The following PCDHGA4 variants were observed in gnomAD, a reference collection of about 807,000 sequenced individuals.
The protein encoded by PCDHGA4 is protocadherin gamma-A4.
PCDHGA4 carries 38 observed loss-of-function variants against 54.6 expected under a neutral mutation model. That is an observed-to-expected ratio of 0.70 (90% CI 0.54 to 0.91). The LOEUF (loss-of-function observed/expected upper bound fraction) is 0.91. Among genes scored for constraint, PCDHGA4 ranks in the 40% least tolerant of loss-of-function variants. PCDHGA4 has a pLI of 0.00. For missense variants in PCDHGA4, 1,298 were observed against 1,220.9 expected, an observed-to-expected ratio of 1.06 and a Z score of -0.94; for synonymous variants, 511 against 512.9, an observed-to-expected ratio of 1.00 and a Z score of 0.05.
At chr5:141,419,781 G>C (rs1331740421) in intron 1 of PCDHGA4, 1 of 1,614,032 alleles carries the variant, frequency 6.2e-7, no homozygotes. Context: ...GTCCGCCAGC[G>C]CCTGCTAGTC....
rs372018713 is a variant in PCDHGA4, at chr5:141,418,097, C to G, written c.2514+60476C>G. ...GAAGCTGCACTTCAGCGTAGACGCG[C>G]AGAGCGGGGACTTACTTGTGAAGGA... On this transcript the variant is annotated intron_variant, in intron 1 of 3. Coordinates refer to ENST00000571252, the MANE Select transcript of PCDHGA4 (RefSeq NM_018917.4). The G allele has an allele frequency of 5.7e-4, 921 of 1,613,980 alleles. 9 individuals are homozygous for G. The South Asian group carries it at 6.8e-3, about 12-fold the overall frequency.
rs1269660369 is a variant in PCDHGA4 at position 141,408,454 on chromosome 5, A to T, written c.2514+50833A>T. On this transcript the variant is annotated intron_variant, in intron 1 of 3. Transcript: ENST00000571252. ...GCGTAGACGCGGAGAGCGGGGACTT[A>T]CTTGTGAAGAACCGAATAGACCGTG... The T allele has an allele frequency of 4.3e-6, 7 of 1,613,934 alleles. No homozygotes were observed. The African/African-American group carries it at 9.3e-5, about 22-fold the overall frequency.
Position 141,476,610 on chromosome 5 carries a change from G to A in PCDHGA4, c.2515-18197G>A, listed in dbSNP as rs769858609. ...GAGAGCGCGCACGATCCCGATGTGGGAAGCAACTCTTTACAAACCTATGAG... is the reference window on the plus strand; with the variant it reads ...GAGAGCGCGCACGATCCCGATGTGGAAAGCAACTCTTTACAAACCTATGAG... On this transcript the variant is annotated intron_variant, in intron 1 of 3. Coordinates refer to ENST00000571252, the MANE Select transcript of PCDHGA4 (RefSeq NM_018917.4). The surrounding 1 kb of genome is among the most constrained non-coding windows in gnomAD (Gnocchi z 7.6). The A allele has an allele frequency of 1.2e-6, 2 of 1,614,262 alleles. No homozygotes were observed. The highest frequency in any genetic ancestry group is 3.3e-5 in the Admixed American group (2 of 60,036).
chr5:141,399,411 C>G lies in PCDHGA4; in HGVS notation c.2514+41790C>G, dbSNP rs375057054. 3.4e-5 allele frequency: 55 copies of G among 1,613,900 alleles called. No individual in the cohort carries two copies. In the African/African-American group the frequency reaches 5.3e-4, roughly 16 times the overall value. On this transcript the variant is annotated intron_variant, in intron 1 of 3. Transcript: ENST00000571252. ...CCACAGACAGGGGCAAGCCGCCCCT[C>G]TCCTCCAGCATAAGCGTCATCCTAC...
intron 1 of PCDHGA4, chr5:141,428,153 CT>C (rs2097116745): frequency 6.3e-7 from 1 of 1,581,370 alleles, no homozygotes; most frequent in Admixed American, 1.7e-5. Flanking sequence ...ACACGGGAAC[CT>C]GCTGGTTGCT....
chr5:141,420,067 A>G (rs2096463342), intron 1 of PCDHGA4: 2 of 1,614,034 alleles, frequency 1.2e-6, no homozygotes, highest in East Asian at 2.2e-5. Flanking sequence ...CCAAGTCCGG[A>G]CCTGTGGGTC....
At chr5:141,365,626 C>T in intron 1 of PCDHGA4, 2 of 1,613,678 alleles carry the variant, frequency 1.2e-6, no homozygotes, top group Non-Finnish European at 8.5e-7. Flanking sequence ...CCCCGCCCCT[C>T]TCTACAGAAA....
rs367919924 is a variant in PCDHGA4, at chr5:141,487,711, T to A, written c.2515-7096T>A. The A allele has an allele frequency of 1.1e-5, 18 of 1,586,144 alleles. No individual in the cohort carries two copies. In the African/African-American group the frequency reaches 2.1e-4, roughly 19 times the overall value. On this transcript the variant is annotated intron_variant, in intron 1 of 3. Transcript: ENST00000571252. The surrounding 1 kb of genome is among the most constrained non-coding windows in gnomAD (Gnocchi z 5.0). ...TAGAGAGTACTGGCCTCTCAGTAAG[T>A]GCCCATAGTGATGTCACCATTTTTG...
intron 1 of PCDHGA4, among the ~76,000 whole-genome samples, chr5:141,369,209 C>T (rs567971438): frequency 1.3e-5 from 2 of 151,888 alleles, no homozygotes; most frequent in South Asian, 2.1e-4. Context: ...AAACTGGGGA[C>T]CAAGGAAAAG....
At chr5:141,408,683 G>C in intron 1 of PCDHGA4, 2 of 1,613,906 alleles carry the variant, frequency 1.2e-6, no homozygotes, top group Non-Finnish European at 1.7e-6. Flanking sequence ...CACGGATCCT[G>C]ATATAAACAT....
intron 1 of PCDHGA4, chr5:141,415,426 C>T: frequency 6.2e-7 from 1 of 1,614,194 alleles, no homozygotes; most frequent in Non-Finnish European, 8.5e-7. Flanking sequence ...GGACGGGGTT[C>T]GGGCTTTCCT....
chr5:141,372,765 A>G, intron 1 of PCDHGA4: 1 of 1,612,386 alleles, frequency 6.2e-7, no homozygotes, highest in Non-Finnish European at 8.5e-7. Flanking sequence ...GTTTGAAAGT[A>G]ATGACAATCC....
intron 1 of PCDHGA4, chr5:141,374,293 T>C (rs369929839): frequency 1.2e-6 from 2 of 1,613,788 alleles, no homozygotes; most frequent in African/African-American, 1.3e-5. Context: ...TCTCCAGAGG[T>C]AGGATGCAGC....
chr5:141,504,315 A>G (rs573050088), intron 2 of PCDHGA4, among the ~76,000 whole-genome samples: 1 of 152,248 alleles, frequency 6.6e-6, no homozygotes, highest in East Asian at 1.9e-4. Flanking sequence ...AGTTTCTAAA[A>G]GTCTCACTTA....
At chr5:141,405,008 G>A in intron 1 of PCDHGA4, 1 of 1,614,000 alleles carries the variant, frequency 6.2e-7, no homozygotes, top group Non-Finnish European at 8.5e-7. Context: ...AGACCTGGAG[G>A]CCTCAGACCT....
At position 141,432,999 on chromosome 5, in the gene PCDHGA4, A is replaced by G. The variant is rs745921704; in HGVS notation, c.2515-61808A>G. The G allele has an allele frequency of 1.1e-5, 17 of 1,614,046 alleles. No individual in the cohort carries two copies. Among genetic ancestry groups the G allele is most frequent in the East Asian group, 4.5e-5 (2 of 44,862 alleles). On this transcript the variant is annotated intron_variant, in intron 1 of 3. Coordinates refer to ENST00000571252, the MANE Select transcript of PCDHGA4 (RefSeq NM_018917.4). This position sits in a 1 kb window ranked among gnomAD's most constrained non-coding sequence, Gnocchi z 6.0. ...CACTTTGTGGGCGTGGACGGGGTGC[A>G]GGCTTTCCTGCAGACCTATTCCCAC...
In PCDHGA4 at chr5:141,432,854, G is replaced by A. The variant is rs769962088; in HGVS notation, c.2515-61953G>A. 1 of 1,614,192 alleles carries A rather than the reference G, an allele frequency of 6.2e-7. No homozygotes were observed. On this transcript the variant is annotated intron_variant, in intron 1 of 3. Transcript: ENST00000571252. The surrounding 1 kb of genome is among the most constrained non-coding windows in gnomAD (Gnocchi z 6.0). ...TCTGTACCTGGTGGTAGCGGTGGCC[G>A]CGGTCTCCTGCGTCTTCCTGGCCTT...
chr5:141,372,224 G>C (rs766861746), intron 1 of PCDHGA4: 25 of 1,613,414 alleles, frequency 1.5e-5, no homozygotes, highest in Non-Finnish European at 2.0e-5. Flanking sequence ...ACATTGTGCA[G>C]GCCAGCGAGC....
intron 3 of PCDHGA4, among the ~76,000 whole-genome samples, chr5:141,510,266 C>T (rs1202092142): frequency 7.0e-6 from 1 of 143,198 alleles, no homozygotes; most frequent in Non-Finnish European, 1.5e-5. Flanking sequence ...GAGCAGGACT[C>T]CATCTTAAAA....
Sources: gnomAD v4.1 joint callset for allele counts (sites outside exome capture counted in the v4.1 genomes callset) on GRCh38, gnomAD v4.1.1 for gene constraint, Gnocchi (gnomAD v3.1) non-coding constraint, MANE v1.5 for transcripts, NCBI Gene and HGNC (gene_info 2026-07-23, HGNC 2026-07-21) for gene names.